Variants in MSI2 observed in about 807,000 individuals in gnomAD.
MSI2 encodes the protein musashi RNA binding protein 2.
In MSI2, 17 loss-of-function variants were observed where a neutral mutation model predicts 45.6. The observed-to-expected ratio is 0.37, with a 90% CI of 0.26 to 0.56. MSI2 has a LOEUF of 0.56. Ranked by LOEUF, MSI2 falls within the 20% of genes least tolerant of loss-of-function variation. The pLI is 0.77. For synonymous variants in MSI2, 156 were observed against 158.2 expected, an observed-to-expected ratio of 0.99 and a Z score of 0.11; for missense variants, 293 against 444.2, an observed-to-expected ratio of 0.66 and a Z score of 3.06.
chr17:57,688,094 A>C (rs572790497), downstream of MSI2, among the ~76,000 whole-genome samples: 86 of 152,296 alleles, frequency 5.6e-4, no homozygotes, highest in African/African-American at 2.0e-3. Context: ...AACATTAATT[A>C]TTCTAAATTG....
intron 11 of MSI2, among the ~76,000 whole-genome samples, chr17:57,655,710 T>C (rs1249221918): frequency 6.6e-6 from 1 of 152,090 alleles, no homozygotes; most frequent in Non-Finnish European, 1.5e-5. Flanking sequence ...GCACACCTCC[T>C]CTCAAACACT....
intron 7 of MSI2, among the ~76,000 whole-genome samples, chr17:57,563,882 A>G (rs2087660644): frequency 6.6e-6 from 1 of 151,784 alleles, no homozygotes; most frequent in Admixed American, 6.6e-5. Context: ...GCCCTCCCTA[A>G]AGATGCTGTG....
At chr17:57,572,524 G>C (rs887748168) in intron 7 of MSI2, among the ~76,000 whole-genome samples, 5 of 152,216 alleles carry the variant, frequency 3.3e-5, no homozygotes. Context: ...CTGAATTCAA[G>C]ATATTCTGTG....
chr17:57,486,138 G>A (rs2085750451), intron 6 of MSI2, among the ~76,000 whole-genome samples: 1 of 152,214 alleles, frequency 6.6e-6, no homozygotes, highest in Non-Finnish European at 1.5e-5. Flanking sequence ...ACACCCACGT[G>A]AGTAGAAGCA....
intron 5 of MSI2, among the ~76,000 whole-genome samples, chr17:57,351,477 C>T (rs1916026967): frequency 6.6e-6 from 1 of 152,196 alleles, no homozygotes; most frequent in South Asian, 2.1e-4. Context: ...CCTGCCTGTT[C>T]CCACTTAGAA....
chr17:57,283,371 G>A (rs1342306621), intron 5 of MSI2, among the ~76,000 whole-genome samples: 3 of 152,026 alleles, frequency 2.0e-5, no homozygotes, highest in Non-Finnish European at 2.9e-5. Flanking sequence ...CCTTTGTATC[G>A]CTGACCCATT....
At chr17:57,501,612 T>C (rs894577288) in intron 6 of MSI2, among the ~76,000 whole-genome samples, 4 of 152,210 alleles carry the variant, frequency 2.6e-5, no homozygotes, top group Admixed American at 2.6e-4. Flanking sequence ...CTAAAAGAGA[T>C]TCTGGCGTGC....
chr17:57,445,723 G>T (rs1351888984), intron 6 of MSI2, among the ~76,000 whole-genome samples: 1 of 152,088 alleles, frequency 6.6e-6, no homozygotes, highest in Admixed American at 6.5e-5. Context: ...ATATTAACAT[G>T]CAACTAGTTT....
chr17:57,372,367 A>G (rs964657638), intron 5 of MSI2, among the ~76,000 whole-genome samples: 3 of 152,246 alleles, frequency 2.0e-5, no homozygotes, highest in African/African-American at 7.2e-5. Flanking sequence ...AACTGTTCCA[A>G]GAAACCGCCA....
At chr17:57,321,321 T>C (rs1913323993) in intron 5 of MSI2, among the ~76,000 whole-genome samples, 2 of 151,968 alleles carry the variant, frequency 1.3e-5, no homozygotes, top group South Asian at 2.1e-4. Context: ...ATGGTAATTA[T>C]AGATGCTTTA....
chr17:57,375,903 C>T (rs901207489), intron 5 of MSI2, among the ~76,000 whole-genome samples: 3 of 152,296 alleles, frequency 2.0e-5, no homozygotes, highest in East Asian at 1.9e-4. Flanking sequence ...CCGCGTTAGC[C>T]GATGCTCACT....
At chr17:57,471,716 T>G (rs2586228) in intron 6 of MSI2, among the ~76,000 whole-genome samples, 1 of 151,656 alleles carries the variant, frequency 6.6e-6, no homozygotes, top group Non-Finnish European at 1.5e-5. Context: ...CCACCCCGCC[T>G]GCGTGCTGCC....
chr17:57,494,377 G>C (rs142965667), intron 6 of MSI2, among the ~76,000 whole-genome samples: 232 of 152,302 alleles, frequency 1.5e-3, no homozygotes, highest in African/African-American at 4.9e-3. Flanking sequence ...CAAGAGCCTA[G>C]TGTTTTGATT....
chr17:57,654,617 TCCTGAAGC>T (rs1427898441), intron 11 of MSI2, among the ~76,000 whole-genome samples: 1 of 152,160 alleles, frequency 6.6e-6, no homozygotes, highest in South Asian at 2.1e-4. Context: ...CTTCCCCAGC[TCCTGAAGC>T]CCTTACTCAC....
At chr17:57,575,960 A>AAAAAAAAAAAAG (rs2088033976) in intron 7 of MSI2, among the ~76,000 whole-genome samples, 2 of 146,420 alleles carry the variant, frequency 1.4e-5, no homozygotes, top group Non-Finnish European at 3.1e-5. Flanking sequence ...AAAAAAAAAA[A>AAAAAAAAAAAAG]AAAAAAAAAA....
At chr17:57,489,019 G>C (rs577324183) in intron 6 of MSI2, among the ~76,000 whole-genome samples, 87 of 152,218 alleles carry the variant, frequency 5.7e-4, no homozygotes, top group Non-Finnish European at 1.0e-3. Flanking sequence ...CTCTCAGTCC[G>C]TGCCCAGAGA....
intron 12 of MSI2, 80 bp downstream of exon 12, chr17:57,675,206 C>A: frequency 7.0e-7 from 1 of 1,419,540 alleles, no homozygotes; most frequent in Non-Finnish European, 9.7e-7. Context: ...GCCAGGAAAG[C>A]CCAACATCGG....
chr17:57,352,881 A>G (rs1204892164), intron 5 of MSI2, among the ~76,000 whole-genome samples: 1 of 152,328 alleles, frequency 6.6e-6, no homozygotes, highest in East Asian at 1.9e-4. Flanking sequence ...CTGGGCACTG[A>G]GCAATTTCAC....
intron 6 of MSI2, among the ~76,000 whole-genome samples, chr17:57,528,086 G>A (rs571879947): frequency 9.6e-4 from 145 of 150,888 alleles, no homozygotes; most frequent in African/African-American, 2.9e-3. Context: ...AGGGCCCCCC[G>A]CTAACAGTTT....
Sources: gnomAD v4.1 joint callset for allele counts (sites outside exome capture counted in the v4.1 genomes callset) on GRCh38, gnomAD v4.1.1 for gene constraint, MANE v1.5 for transcripts, NCBI Gene and HGNC (gene_info 2026-07-23, HGNC 2026-07-21) for gene names.